Variants in TMEM164 observed in about 807,000 individuals in gnomAD.
TMEM164 encodes RP13-360B22.2.
A neutral mutation model predicts 18.8 loss-of-function variants in TMEM164; 4 were observed. The observed-to-expected ratio is 0.21, with a 90% CI of 0.10 to 0.49. TMEM164 has a LOEUF of 0.49. Among genes scored for constraint, TMEM164 ranks in the 20% least tolerant of loss-of-function variants. The probability of loss-of-function intolerance (pLI) is 0.98; values close to 1 mark genes in which losing one functional copy is unlikely to be tolerated. For missense variants in TMEM164, 108 were observed against 239.9 expected (o/e 0.45, Z 3.63); for synonymous variants, 86 against 101.7 (o/e 0.85, Z 0.93).
intron 2 of TMEM164, among the ~76,000 whole-genome samples, chrX:110,021,937 C>G (rs767116958): frequency 2.7e-5 from 3 of 111,613 alleles, no homozygotes; most frequent in Admixed American, 9.5e-5. Context: ...AAGTTTGGGA[C>G]TAGAAGTGGA....
At chrX:110,096,074 G>A (rs1372148591) in intron 3 of TMEM164, among the ~76,000 whole-genome samples, 16 of 112,295 alleles carry the variant, frequency 1.4e-4, no homozygotes, top group South Asian at 7.4e-4. Context: ...GCACCCGGCC[G>A]AATGAGGTGT....
intron 5 of TMEM164, among the ~76,000 whole-genome samples, chrX:110,145,807 C>A (rs995698678): frequency 1.8e-5 from 2 of 111,869 alleles, no homozygotes; most frequent in Admixed American, 1.9e-4. Flanking sequence ...CTAAATCAGG[C>A]ATTCCGGCAG....
At chrX:110,007,363 A>G (rs965552384) in intron 2 of TMEM164, among the ~76,000 whole-genome samples, 1 of 112,724 alleles carries the variant, frequency 8.9e-6, no homozygotes, top group Non-Finnish European at 1.9e-5. Flanking sequence ...CTAAGCCTCC[A>G]GCCAGAGATA....
downstream of TMEM164, among the ~76,000 whole-genome samples, chrX:110,181,609 T>C (rs906314541): frequency 3.5e-5 from 4 of 113,493 alleles, no homozygotes; most frequent in Non-Finnish European, 1.9e-5. Flanking sequence ...TGTCCTGTAG[T>C]AGTCAAACCA....
intron 3 of TMEM164, among the ~76,000 whole-genome samples, chrX:110,104,383 C>T (rs1044673102): frequency 8.1e-5 from 9 of 111,512 alleles, no homozygotes; most frequent in African/African-American, 2.9e-4. Context: ...TGGTTGATCC[C>T]AATAAAAAAG....
Position 110,067,211 on chromosome X carries a change from T to C in TMEM164, c.391-136T>C, listed in dbSNP as rs1477983229. The C allele has an allele frequency of 7.1e-6, 4 of 565,926 alleles. No homozygotes were observed. In the African/African-American group the frequency reaches 9.2e-5, roughly 13 times the overall value. 46.6% of individuals were successfully genotyped at this position (565,926 alleles called of 1,213,427 possible). The stretch of plus-strand genomic sequence containing the variant: ...ATGCATGCAAGCACAAACATGTACC[T>C]GTTGCCTTTAAAAATTTTTATATTA... On this transcript the variant is annotated intron_variant, in intron 2 of 6. Transcript: ENST00000372068.
chrX:110,112,989 T>C (rs998525729), intron 4 of TMEM164, among the ~76,000 whole-genome samples: 1 of 111,058 alleles, frequency 9.0e-6, no homozygotes, highest in African/African-American at 3.3e-5. Context: ...CTACCCTACA[T>C]AGAAACCATT....
At chrX:110,007,682 C>T (rs1293898320) in intron 2 of TMEM164, among the ~76,000 whole-genome samples, 1 of 112,211 alleles carries the variant, frequency 8.9e-6, no homozygotes, top group Non-Finnish European at 1.9e-5. Context: ...TCTACAGTTT[C>T]TCAGCAGAAG....
At chrX:110,158,936 T>C (rs1363627112) in intron 5 of TMEM164, among the ~76,000 whole-genome samples, 1 of 112,369 alleles carries the variant, frequency 8.9e-6, no homozygotes, top group African/African-American at 3.2e-5. Context: ...ATAATAACAG[T>C]ACTTCCTCAT....
At chrX:110,132,702 A>G (rs2066629869) in intron 4 of TMEM164, among the ~76,000 whole-genome samples, 1 of 111,792 alleles carries the variant, frequency 8.9e-6, no homozygotes, top group Admixed American at 9.5e-5. Context: ...CTGTGGCATA[A>G]CATTTCATGT....
intron 3 of TMEM164, among the ~76,000 whole-genome samples, chrX:110,105,790 A>AC (rs2066192366): frequency 9.7e-6 from 1 of 103,280 alleles, no homozygotes; most frequent in Non-Finnish European, 2.0e-5. Context: ...AGAGAGAGAG[A>AC]GAGAACATAT....
chrX:110,080,103 G>A (rs1392751362), intron 3 of TMEM164, among the ~76,000 whole-genome samples: 2 of 111,342 alleles, frequency 1.8e-5, no homozygotes, highest in Non-Finnish European at 3.8e-5. Flanking sequence ...CTATAAATTT[G>A]ATGTTTGTTC....
Position 110,173,466 on chromosome X carries a change from T to A in TMEM164, c.*15T>A, listed in dbSNP as rs757813829. 5.9e-6 allele frequency: 7 copies of A among 1,190,603 alleles called. No individual in the cohort carries two copies. In the Admixed American group the frequency reaches 1.7e-4, roughly 28 times the overall value. On this transcript the variant is annotated 3_prime_UTR_variant, in exon 7 of 7. Transcript: ENST00000372068. ...AAATAGACTGAAGGTGCTTATTTTT[T>A]TTTTTTTTCCTCCCTGAGGAAGCAA... is the stretch of plus-strand genomic sequence containing the variant.
At chrX:110,119,411 T>C (rs1450116035) in intron 4 of TMEM164, among the ~76,000 whole-genome samples, 5 of 110,348 alleles carry the variant, frequency 4.5e-5, no homozygotes, top group African/African-American at 6.6e-5. Flanking sequence ...CTGGGCAACA[T>C]AGCGAGACCC....
At chrX:110,119,888 T>G (rs1197795420) in intron 4 of TMEM164, among the ~76,000 whole-genome samples, 1 of 112,065 alleles carries the variant, frequency 8.9e-6, no homozygotes, top group Non-Finnish European at 1.9e-5. Flanking sequence ...AGCTTTTCAG[T>G]GGCGGTAATG....
intron 4 of TMEM164, among the ~76,000 whole-genome samples, chrX:110,123,053 ATTTAGGTC>A (rs762370370): frequency 5.6e-4 from 63 of 111,957 alleles, no homozygotes; most frequent in Non-Finnish European, 1.1e-3. Context: ...TGGCTCTTAC[ATTTAGGTC>A]TATGATCCAT....
chrX:110,114,979 C>G (rs973358822), intron 4 of TMEM164, among the ~76,000 whole-genome samples: 2 of 111,888 alleles, frequency 1.8e-5, no homozygotes, highest in Non-Finnish European at 3.8e-5. Flanking sequence ...TCTTTCTGCT[C>G]TGTTGGATGG....
In TMEM164 at chrX:110,175,153, C is replaced by CCTCTCACCTTTTCTTAGTGCCT. The variant is rs1207236287; in HGVS notation, c.*1703_*1704insTCTCACCTTTTCTTAGTGCCTC. ...TTTTTGGCCCTCTTTGAAGGCAGGG[C>CCTCTCACCTTTTCTTAGTGCCT]CAAACTTTTCTTAGTGCCTCTCACC... On this transcript the variant is annotated 3_prime_UTR_variant, in exon 7 of 7. Transcript: ENST00000372068. The CCTCTCACCTTTTCTTAGTGCCT allele has an allele frequency of 8.9e-6, 1 of 112,647 alleles. No individual in the cohort carries two copies. The highest frequency in any genetic ancestry group is 3.2e-5 in the African/African-American group (1 of 30,986). The allele number at this position is 112,647 out of a possible 1,213,427, so 9.3% of individuals were successfully genotyped here.
chrX:110,108,421 T>G (rs927983747), intron 3 of TMEM164, among the ~76,000 whole-genome samples: 4 of 111,484 alleles, frequency 3.6e-5, no homozygotes, highest in Non-Finnish European at 5.6e-5. Context: ...TGGGAAACAG[T>G]ATCATTAACC....
Sources: allele counts gnomAD v4.1 joint callset (sites outside exome capture counted in the v4.1 genomes callset), GRCh38; gene constraint gnomAD v4.1.1; transcripts MANE v1.5; gene names NCBI Gene and HGNC (gene_info 2026-07-23, HGNC 2026-07-21).